The following LRRC4C variants were observed in gnomAD, a reference collection of about 807,000 sequenced individuals.
LRRC4C encodes the protein leucine-rich repeat-containing protein 4C.
In LRRC4C, 5 loss-of-function variants were observed where a neutral mutation model predicts 33.6. That is an observed-to-expected ratio of 0.15 (90% CI 0.08 to 0.31). The LOEUF (loss-of-function observed/expected upper bound fraction) is 0.31, where lower values mean the gene tolerates loss of function less well. Among genes scored for constraint, LRRC4C ranks in the 10% least tolerant of loss-of-function variants. LRRC4C has a pLI of 1.00. For missense variants in LRRC4C, 560 were observed against 796.7 expected (o/e 0.70, Z 3.58); for synonymous variants, 329 against 302.0 (o/e 1.09, Z -0.93).
At chr11:40,398,338 GTTAT>G (rs1322443921) in intron 3 of LRRC4C, among the ~76,000 whole-genome samples, 2 of 151,932 alleles carry the variant, frequency 1.3e-5, no homozygotes, top group East Asian at 1.9e-4. Flanking sequence ...GCTGAAAAAT[GTTAT>G]TTATTAATAA....
intron 2 of LRRC4C, among the ~76,000 whole-genome samples, chr11:40,849,224 T>C (rs1450659773): frequency 6.6e-6 from 1 of 152,218 alleles, no homozygotes; most frequent in Non-Finnish European, 1.5e-5. Context: ...TGATGCAATT[T>C]CTTCATAGTG....
chr11:40,171,968 G>T (rs1860083337), intron 5 of LRRC4C, among the ~76,000 whole-genome samples: 1 of 152,170 alleles, frequency 6.6e-6, no homozygotes. Context: ...CGTAAGCTGA[G>T]ATTGCACCAC....
intron 1 of LRRC4C, among the ~76,000 whole-genome samples, chr11:41,206,656 C>A (rs760370512): frequency 6.6e-6 from 1 of 152,160 alleles, no homozygotes; most frequent in Non-Finnish European, 1.5e-5. Context: ...TGCAAGGACA[C>A]AGTTTTGAAT....
At chr11:40,487,492 C>G (rs1953922216) in intron 3 of LRRC4C, among the ~76,000 whole-genome samples, 1 of 152,052 alleles carries the variant, frequency 6.6e-6, no homozygotes, top group Non-Finnish European at 1.5e-5. Flanking sequence ...AATGGAGAGA[C>G]TATCCTGGAT....
chr11:40,621,090 G>A (rs977551150), intron 3 of LRRC4C, among the ~76,000 whole-genome samples: 2 of 151,392 alleles, frequency 1.3e-5, no homozygotes, highest in Non-Finnish European at 3.0e-5. Context: ...TCTTCTTTCA[G>A]CTATCCTTTT....
intron 1 of LRRC4C, among the ~76,000 whole-genome samples, chr11:40,965,412 C>T (rs911900115): frequency 2.0e-5 from 3 of 152,064 alleles, no homozygotes; most frequent in East Asian, 1.9e-4. Flanking sequence ...GTTGCCATTG[C>T]TTTTGGTGTT....
intron 2 of LRRC4C, among the ~76,000 whole-genome samples, chr11:40,778,689 G>A (rs1565050747): frequency 6.6e-6 from 1 of 152,132 alleles, no homozygotes; most frequent in Non-Finnish European, 1.5e-5. Flanking sequence ...CCTTGAGGGA[G>A]CTGCATTTGA....
At chr11:40,448,549 C>T (rs533675500) in intron 3 of LRRC4C, among the ~76,000 whole-genome samples, 1 of 152,266 alleles carries the variant, frequency 6.6e-6, no homozygotes, top group East Asian at 1.9e-4. Flanking sequence ...TGGTTTCCAG[C>T]TTCATCCATG....
Position 41,194,892 on chromosome 11 carries a change from C to T in LRRC4C, c.-495-261169G>A, listed in dbSNP as rs543445480. On this transcript the variant is annotated intron_variant, in intron 1 of 6. Transcript: ENST00000528697. ...ATACCAGATATGGAATATGTACTTG[C>T]TGTAATGGCAGGTTTATCAAATGTA... Among the ~76,000 whole-genome samples the T allele has an allele frequency of 7.2e-5, 11 of 152,066 alleles. No homozygotes were observed. The East Asian group carries it at 1.2e-3, about 16-fold the overall frequency.
intron 3 of LRRC4C, among the ~76,000 whole-genome samples, chr11:40,631,667 CAT>C (rs1252774858): frequency 1.3e-5 from 2 of 151,990 alleles, no homozygotes; most frequent in African/African-American, 4.8e-5. Context: ...GCTATACTAA[CAT>C]AGCATTGGCA....
chr11:40,752,867 C>A (rs1948761383), intron 2 of LRRC4C, among the ~76,000 whole-genome samples: 1 of 152,002 alleles, frequency 6.6e-6, no homozygotes, highest in South Asian at 2.1e-4. Flanking sequence ...ACGGAATCAA[C>A]CTAAGTATCT....
intron 3 of LRRC4C, among the ~76,000 whole-genome samples, chr11:40,590,978 G>A (rs1959025241): frequency 6.6e-6 from 1 of 152,176 alleles, no homozygotes; most frequent in African/African-American, 2.4e-5. Flanking sequence ...GAGGCAGGCA[G>A]GCCTCCTTGA....
intron 1 of LRRC4C, among the ~76,000 whole-genome samples, chr11:41,436,897 C>T (rs917431065): frequency 6.6e-6 from 1 of 152,176 alleles, no homozygotes; most frequent in African/African-American, 2.4e-5. Flanking sequence ...AAGAAACAAT[C>T]ACCAATATTT....
intron 1 of LRRC4C, among the ~76,000 whole-genome samples, chr11:41,106,563 C>T (rs946226543): frequency 7.9e-5 from 12 of 151,934 alleles, no homozygotes; most frequent in Non-Finnish European, 1.2e-4. Flanking sequence ...TGTCACATAC[C>T]GTATCACACC....
At chr11:41,325,508 A>G (rs975944748) in intron 1 of LRRC4C, among the ~76,000 whole-genome samples, 3 of 151,472 alleles carry the variant, frequency 2.0e-5, no homozygotes, top group East Asian at 3.9e-4. Flanking sequence ...AATAGGGGTA[A>G]TAACAATTGT....
At chr11:41,279,345 C>T (rs942109561) in intron 1 of LRRC4C, among the ~76,000 whole-genome samples, 8 of 149,104 alleles carry the variant, frequency 5.4e-5, no homozygotes, top group Admixed American at 2.7e-4. Flanking sequence ...GAATACCACT[C>T]ATCTCTCATT....
chr11:40,968,803 T>A (rs960650837), intron 1 of LRRC4C, among the ~76,000 whole-genome samples: 1 of 152,182 alleles, frequency 6.6e-6, no homozygotes. Flanking sequence ...TCATTGACAG[T>A]GCACCTATTC....
At chr11:40,331,881 A>AT (rs1340724888) in intron 3 of LRRC4C, among the ~76,000 whole-genome samples, 1 of 152,158 alleles carries the variant, frequency 6.6e-6, no homozygotes, top group African/African-American at 2.4e-5. Flanking sequence ...TAGTTTCCAT[A>AT]ATTACATAAG....
intron 1 of LRRC4C, among the ~76,000 whole-genome samples, chr11:40,972,281 C>A (rs567393277): frequency 1.3e-5 from 2 of 151,942 alleles, no homozygotes; most frequent in African/African-American, 2.4e-5. Context: ...GGATTACAAG[C>A]ATGTGCCAGC....
Sources: gnomAD v4.1 joint callset for allele counts (sites outside exome capture counted in the v4.1 genomes callset) on GRCh38, gnomAD v4.1.1 for gene constraint, MANE v1.5 for transcripts, NCBI Gene and HGNC (gene_info 2026-07-23, HGNC 2026-07-21) for gene names.